Variants in BLOC1S5 observed in about 807,000 individuals in gnomAD.
The protein encoded by BLOC1S5 is biogenesis of lysosome-related organelles complex 1 subunit 5.
A neutral mutation model predicts 24.3 loss-of-function variants in BLOC1S5; 27 were observed. That is an observed-to-expected ratio of 1.11 (90% CI 0.82 to 1.53). The LOEUF (loss-of-function observed/expected upper bound fraction) is 1.53, where lower values mean the gene tolerates loss of function less well. BLOC1S5 is among the 40% of genes most tolerant of loss of function. BLOC1S5 has a pLI of 0.00. For synonymous variants in BLOC1S5, 84 were observed against 74.5 expected (o/e 1.13, Z -0.66); for missense variants, 239 against 229.4 (o/e 1.04, Z -0.27).
intron 4 of BLOC1S5, chr6:8,017,695 C>A (rs1252975782): frequency 6.6e-6 from 1 of 152,212 alleles, no homozygotes; most frequent in Non-Finnish European, 1.5e-5. Context: ...ATAGCTACTT[C>A]TAAAAGCCTC....
At chr6:8,053,931 G>A (rs1229859284) in intron 2 of BLOC1S5, among the ~76,000 whole-genome samples, 3 of 81,366 alleles carry the variant, frequency 3.7e-5, no homozygotes, top group East Asian at 1.9e-3. Context: ...CCCTTAACTC[G>A]AAAATCCAAA....
chr6:8,059,292 C>T (rs1764436090), intron 2 of BLOC1S5, among the ~76,000 whole-genome samples: 1 of 152,216 alleles, frequency 6.6e-6, no homozygotes, highest in African/African-American at 2.4e-5. Flanking sequence ...AAAAAGAGAG[C>T]TTAAAATAGC....
At chr6:8,051,313 C>G (rs1005248198) in intron 2 of BLOC1S5, among the ~76,000 whole-genome samples, 1 of 152,150 alleles carries the variant, frequency 6.6e-6, no homozygotes, top group African/African-American at 2.4e-5. Context: ...TTTCTTAAGC[C>G]AAAGCCTAAT....
chr6:8,025,467 G>A (rs560973435), intron 4 of BLOC1S5, among the ~76,000 whole-genome samples: 18 of 152,224 alleles, frequency 1.2e-4, no homozygotes, highest in South Asian at 4.1e-4. Context: ...ACTGGCCTGC[G>A]GGGTCCCACT....
chr6:8,030,885 A>G (rs1466747990), intron 3 of BLOC1S5, among the ~76,000 whole-genome samples: 1 of 151,852 alleles, frequency 6.6e-6, no homozygotes, highest in Non-Finnish European at 1.5e-5. Context: ...AAATCACATG[A>G]TCATCTCAAT....
At chr6:8,057,686 G>A (rs1193041402) in intron 2 of BLOC1S5, among the ~76,000 whole-genome samples, 2 of 152,204 alleles carry the variant, frequency 1.3e-5, no homozygotes, top group African/African-American at 4.8e-5. Flanking sequence ...AGGAGATCAA[G>A]TGAAATTCCT....
At chr6:8,049,073 A>AG (rs139693797) in intron 2 of BLOC1S5, among the ~76,000 whole-genome samples, 82,040 of 125,290 alleles carry the variant, frequency 0.65, 26,316 homozygotes, top group East Asian at 0.9. Context: ...AGGGGAGGGG[A>AG]GGGGGGAAAG....
At position 8,015,625 on chromosome 6, in the gene BLOC1S5, T is replaced by G. The variant is rs759499300; in HGVS notation, c.*24A>C. On this transcript the variant is annotated 3_prime_UTR_variant, in exon 5 of 5. Transcript: ENST00000397457. Reference sequence around the variant, plus strand: ...GAGAGGTGAACATCTTCTCATTAGTTTGTGATTGTTGTGGTTCAAGTTCTT... The same window carrying G: ...GAGAGGTGAACATCTTCTCATTAGTGTGTGATTGTTGTGGTTCAAGTTCTT... 6.2e-7 allele frequency: 1 copy of G among 1,600,430 alleles called. No individual in the cohort carries two copies. The highest frequency in any genetic ancestry group is 2.2e-5 in the East Asian group (1 of 44,778).
In BLOC1S5 at chr6:8,062,632, G is replaced by A; in HGVS notation, c.113-16C>T. ...TCTCCAAGATCTATAAAGATAAAAT[G>A]AAATTCAGGGTTAATCCATGCTAAA... On this transcript the variant is annotated splice_polypyrimidine_tract_variant and intron_variant, in intron 1 of 4. Coordinates refer to ENST00000397457, the MANE Select transcript of BLOC1S5 (RefSeq NM_201280.3). The A allele has an allele frequency of 6.5e-7, 1 of 1,530,556 alleles. No homozygotes were observed. Among genetic ancestry groups the A allele is most frequent in the Non-Finnish European group, 9.0e-7 (1 of 1,112,188 alleles). The allele number at this position is 1,530,556 out of a possible 1,614,324, so 94.8% of individuals were successfully genotyped here.
chr6:8,023,350 T>C (rs1762991299), intron 4 of BLOC1S5, among the ~76,000 whole-genome samples: 1 of 152,172 alleles, frequency 6.6e-6, no homozygotes, highest in Admixed American at 6.5e-5. Flanking sequence ...CCTACAGAAA[T>C]CCACAAATTG....
Position 8,014,598 on chromosome 6 carries a change from T to A in BLOC1S5, c.*1051A>T, listed in dbSNP as rs1276450195. On this transcript the variant is annotated 3_prime_UTR_variant, in exon 5 of 5. Coordinates refer to ENST00000397457, the MANE Select transcript of BLOC1S5 (RefSeq NM_201280.3). Reference sequence around the variant, plus strand: ...CTCAAATTAGACTGTTAAATGCAGGTTTTTAAAGATCACAGTGATGACAGA... The same window carrying A: ...CTCAAATTAGACTGTTAAATGCAGGATTTTAAAGATCACAGTGATGACAGA... The A allele has an allele frequency of 1.3e-5, 2 of 152,098 alleles. No individual in the cohort carries two copies. Among genetic ancestry groups the A allele is most frequent in the African/African-American group, 4.8e-5 (2 of 41,414 alleles). The allele number at this position is 152,098 out of a possible 1,614,324, so 9.4% of individuals were successfully genotyped here. A position where few individuals can be genotyped will look rare whatever the true frequency, so the allele number is the denominator to read the frequency against.
intron 3 of BLOC1S5, among the ~76,000 whole-genome samples, chr6:8,031,985 C>T (rs1285444833): frequency 6.6e-6 from 1 of 152,168 alleles, no homozygotes; most frequent in Non-Finnish European, 1.5e-5. Flanking sequence ...GGATCAAAGA[C>T]ATAAATCTAA....
chr6:8,062,481 T>C (rs940278813), intron 2 of BLOC1S5, 53 bp downstream of exon 2: 2 of 1,122,504 alleles, frequency 1.8e-6, no homozygotes, highest in Non-Finnish European at 2.6e-6. Flanking sequence ...TTCTGTATAA[T>C]AACACACTAA....
chr6:8,043,622 CA>C (rs1370676281), intron 2 of BLOC1S5, among the ~76,000 whole-genome samples: 2 of 152,130 alleles, frequency 1.3e-5, no homozygotes, highest in Admixed American at 1.3e-4. Context: ...GATTCTGGAA[CA>C]GAAAGGGGAC....
chr6:8,041,651 C>CT (rs1423781176), intron 2 of BLOC1S5, among the ~76,000 whole-genome samples: 4,913 of 48,556 alleles, frequency 0.1, 345 homozygotes, highest in African/African-American at 0.22. Flanking sequence ...TTCTTTCTTT[C>CT]TTTCTTTTTT....
chr6:8,044,917 G>A (rs557659650), intron 2 of BLOC1S5, among the ~76,000 whole-genome samples: 96 of 152,312 alleles, frequency 6.3e-4, no homozygotes, highest in African/African-American at 2.1e-3. Flanking sequence ...GCCTGACAAT[G>A]CAAAAGAAAA....
At chr6:8,030,108 G>C (rs1763245846) in intron 3 of BLOC1S5, among the ~76,000 whole-genome samples, 1 of 152,134 alleles carries the variant, frequency 6.6e-6, no homozygotes, top group Non-Finnish European at 1.5e-5. Context: ...GAAACTCAGT[G>C]ATCTCCAGGA....
intron 3 of BLOC1S5, among the ~76,000 whole-genome samples, chr6:8,039,149 G>A (rs909836958): frequency 2.6e-5 from 4 of 152,172 alleles, no homozygotes; most frequent in African/African-American, 9.6e-5. Flanking sequence ...CACATGGACA[G>A]AACTAGATGT....
intron 3 of BLOC1S5, chr6:8,027,122 A>T (rs1763135241): frequency 1.3e-5 from 4 of 310,866 alleles, no homozygotes; most frequent in Non-Finnish European, 2.5e-5. Context: ...TAATTATTTC[A>T]TCAATGAAAC....
Sources: allele counts gnomAD v4.1 joint callset (sites outside exome capture counted in the v4.1 genomes callset), GRCh38; gene constraint gnomAD v4.1.1; transcripts MANE v1.5; gene names NCBI Gene and HGNC (gene_info 2026-07-23, HGNC 2026-07-21).